Variants in SIPA1L3 observed in about 807,000 individuals in gnomAD.
The protein encoded by SIPA1L3 is signal-induced proliferation-associated 1-like protein 3.
A neutral mutation model predicts 150.1 loss-of-function variants in SIPA1L3; 59 were observed. The observed-to-expected ratio is 0.39, with a 90% CI of 0.32 to 0.49. SIPA1L3 has a LOEUF of 0.49. SIPA1L3 is among the 20% of genes least tolerant of loss of function. The pLI is 0.86. For synonymous variants in SIPA1L3, 1,070 were observed against 1,077.6 expected, an observed-to-expected ratio of 0.99 and a Z score of 0.14; for missense variants, 2,211 against 2,489.5, an observed-to-expected ratio of 0.89 and a Z score of 2.38.
intron 16 of SIPA1L3, among the ~76,000 whole-genome samples, chr19:38,188,167 A>G (rs1972728995): frequency 6.6e-6 from 1 of 151,400 alleles, no homozygotes; most frequent in Non-Finnish European, 1.5e-5. Context: ...TAGATTAAAC[A>G]TGTTTTGTTG....
intron 1 of SIPA1L3, chr19:37,907,613 A>G (rs2046345542): frequency 6.6e-6 from 1 of 152,206 alleles, no homozygotes; most frequent in African/African-American, 2.4e-5. Flanking sequence ...CGGCTGTGCC[A>G]CTCGGGAGCC....
intron 1 of SIPA1L3, among the ~76,000 whole-genome samples, chr19:37,972,671 T>G (rs1400708596): frequency 6.6e-6 from 1 of 152,172 alleles, no homozygotes; most frequent in African/African-American, 2.4e-5. Flanking sequence ...GCCACTGCAT[T>G]CCAGCCTGAG....
At chr19:38,199,614 G>C (rs563673408) in intron 19 of SIPA1L3, among the ~76,000 whole-genome samples, 9 of 152,038 alleles carry the variant, frequency 5.9e-5, no homozygotes, top group South Asian at 2.1e-4. Flanking sequence ...ACGGGGGAGA[G>C]GGGGGAGTAG....
chr19:38,117,794 CT>C (rs147980498), intron 8 of SIPA1L3, among the ~76,000 whole-genome samples: 2 of 150,792 alleles, frequency 1.3e-5, no homozygotes, highest in African/African-American at 2.4e-5. Context: ...ATCATTTTCT[CT>C]TTTTTTTTGA....
intron 1 of SIPA1L3, among the ~76,000 whole-genome samples, chr19:37,968,776 G>A (rs964867124): frequency 6.6e-6 from 1 of 152,220 alleles, no homozygotes; most frequent in Non-Finnish European, 1.5e-5. Flanking sequence ...GGTGGAAAAA[G>A]AGAGAGTGAG....
chr19:37,962,965 CT>C, intron 1 of SIPA1L3, among the ~76,000 whole-genome samples: 1 of 145,510 alleles, frequency 6.9e-6, no homozygotes, highest in East Asian at 2.0e-4. Flanking sequence ...GGTATAGACT[CT>C]TTTCTCTTTT....
Position 38,164,073 on chromosome 19 carries a change from G to A in SIPA1L3, c.3781-406G>A, listed in dbSNP as rs959356193. ...CGCGGGCAGCAGGGTTTGCTAGTGG[G>A]CTGGACATGAGTGAGAGCAAAAGCG... On this transcript the variant is annotated intron_variant, in intron 14 of 21. Coordinates refer to ENST00000222345, the MANE Select transcript of SIPA1L3 (RefSeq NM_015073.3). This position sits in a 1 kb window ranked among gnomAD's most constrained non-coding sequence, Gnocchi z 4.1. 2.0e-5 allele frequency among the ~76,000 whole-genome samples: 3 copies of A among 152,206 alleles called. No individual in the cohort carries two copies. The highest frequency in any genetic ancestry group is 6.5e-5 in the Admixed American group (1 of 15,282).
At chr19:38,033,912 G>A (rs750191350) in intron 2 of SIPA1L3, among the ~76,000 whole-genome samples, 13 of 152,196 alleles carry the variant, frequency 8.5e-5, no homozygotes, top group African/African-American at 1.9e-4. Flanking sequence ...ATGTGCATTC[G>A]GCCAGGAATG....
chr19:37,919,237 G>T (rs1189877348), intron 1 of SIPA1L3, among the ~76,000 whole-genome samples: 1 of 152,112 alleles, frequency 6.6e-6, no homozygotes, highest in Non-Finnish European at 1.5e-5. Context: ...TCCCCAGATG[G>T]TGCTCACCAC....
rs551091115 is a variant in SIPA1L3, at chr19:38,013,622, C to T, written c.-378-15467C>T. On this transcript the variant is annotated intron_variant, in intron 1 of 21. Transcript: ENST00000222345. ...CTGCACCTTCACCTGGAAACCATTC[C>T]GAAATGTAACCATGTAATTTTTCAT... Among the ~76,000 whole-genome samples the T allele has an allele frequency of 1.6e-3, 243 of 152,266 alleles. No homozygotes were observed. The Middle Eastern group carries it at 0.024, about 15-fold the overall frequency.
chr19:37,942,005 T>C (rs2046663586), intron 1 of SIPA1L3, among the ~76,000 whole-genome samples: 1 of 152,182 alleles, frequency 6.6e-6, no homozygotes. Context: ...TTGCACGATA[T>C]CTAAGGGCCT....
chr19:37,983,277 G>A (rs954694901), intron 1 of SIPA1L3, among the ~76,000 whole-genome samples: 4 of 152,214 alleles, frequency 2.6e-5, no homozygotes, highest in Non-Finnish European at 5.9e-5. Flanking sequence ...CTGGAGCCAC[G>A]TGCTGGGAGT....
rs748637025 is a variant in SIPA1L3 at position 38,164,631 on chromosome 19, C to T, written c.3933C>T (p.Ile1311=). 36 of 1,613,984 alleles carry T rather than the reference C, an allele frequency of 2.2e-5. No homozygotes were observed. Among genetic ancestry groups the T allele is most frequent in the African/African-American group, 1.1e-4 (8 of 74,976 alleles). Residue 1311 remains isoleucine (I), a synonymous_variant, in exon 15 of 22, where the codon ATC becomes ATT. Coordinates refer to ENST00000222345, the MANE Select transcript of SIPA1L3 (RefSeq NM_015073.3). This position sits in a 1 kb window ranked among gnomAD's most constrained non-coding sequence, Gnocchi z 4.1. ...AGGGTGGCTCTAGTGACAGCGGCAT[C>T]GACACCACCCTCTACACCTCCAGCC... is the stretch of plus-strand genomic sequence containing the variant. ...LSKGGSSDSG[I]DTTLYTSSPS... is the part of the protein sequence containing the mutation.
chr19:37,931,047 C>A (rs780329237), intron 1 of SIPA1L3, among the ~76,000 whole-genome samples: 1 of 152,112 alleles, frequency 6.6e-6, no homozygotes, highest in Non-Finnish European at 1.5e-5. Flanking sequence ...ATGGTAAGAG[C>A]CTTTCTTAAT....
At chr19:37,940,463 A>G (rs575127008) in intron 1 of SIPA1L3, among the ~76,000 whole-genome samples, 1 of 152,300 alleles carries the variant, frequency 6.6e-6, no homozygotes, top group South Asian at 2.1e-4. Context: ...GACCATTTTA[A>G]TCATGACAAT....
intron 1 of SIPA1L3, among the ~76,000 whole-genome samples, chr19:38,027,179 T>C (rs1485048465): frequency 1.3e-5 from 2 of 152,136 alleles, no homozygotes; most frequent in Non-Finnish European, 2.9e-5. Context: ...TAAACCCAGC[T>C]ACTCGGGAGG....
chr19:37,925,956 A>C (rs117861898), intron 1 of SIPA1L3, among the ~76,000 whole-genome samples: 5,289 of 152,288 alleles, frequency 0.035, 127 homozygotes, highest in South Asian at 0.11. Flanking sequence ...AGCAACAAAA[A>C]TAGGGCACCC....
intron 1 of SIPA1L3, among the ~76,000 whole-genome samples, chr19:38,007,696 T>C (rs1379925588): frequency 2.6e-5 from 4 of 152,020 alleles, no homozygotes; most frequent in African/African-American, 9.7e-5. Context: ...TAGATCACCT[T>C]CATTTTCCAT....
intron 15 of SIPA1L3, among the ~76,000 whole-genome samples, chr19:38,171,017 G>A (rs773031231): frequency 1.2e-4 from 18 of 151,862 alleles, no homozygotes; most frequent in Admixed American, 3.3e-4. Context: ...ACCTCAGTAT[G>A]TATATATACA....
Sources: allele counts gnomAD v4.1 joint callset (sites outside exome capture counted in the v4.1 genomes callset), GRCh38; gene constraint gnomAD v4.1.1; non-coding constraint Gnocchi (gnomAD v3.1); transcripts MANE v1.5; gene names NCBI Gene and HGNC (gene_info 2026-07-23, HGNC 2026-07-21).